The following LGALS9 variants were observed in gnomAD, a reference collection of about 807,000 sequenced individuals.
LGALS9 encodes the protein galectin-9.
LGALS9 carries 26 observed loss-of-function variants against 35.9 expected under a neutral mutation model. The ratio of observed to expected loss-of-function variants is 0.72; its 90% CI spans 0.53 to 1.01. LGALS9 has a LOEUF of 1.01. LGALS9 is among the 50% of genes least tolerant of loss of function. The pLI, the probability that LGALS9 is intolerant of heterozygous loss-of-function variation, is 0.00. For synonymous variants in LGALS9, 149 were observed against 172.2 expected (o/e 0.87, Z 1.06); for missense variants, 347 against 445.8 (o/e 0.78, Z 1.99).
At chr17:27,640,527 C>A (rs746669376) in intron 2 of LGALS9, 45 bp from the exon 3 acceptor site, 2 of 1,612,960 alleles carry the variant, frequency 1.2e-6, no homozygotes, top group South Asian at 1.1e-5. Flanking sequence ...CTGTCACTGG[C>A]AATAATCCAT....
intron 10 of LGALS9, among the ~76,000 whole-genome samples, chr17:27,648,583 G>T (rs977002110): frequency 1.1e-4 from 16 of 152,206 alleles, no homozygotes; most frequent in African/African-American, 3.4e-4. Context: ...GGGCCTGAGG[G>T]ATACAGACGG....
In LGALS9 at chr17:27,643,621, G is replaced by C; in HGVS notation, c.540+1G>C. On this transcript the variant is annotated splice_donor_variant, in intron 5 of 10. Coordinates refer to ENST00000395473, the MANE Select transcript of LGALS9 (RefSeq NM_009587.3). LOFTEE classifies it high-confidence loss of function. The stretch of plus-strand genomic sequence containing the variant: ...CAGGCCCAGGGGGCGCAGACAAAAA[G>C]TGAGTTCAACACAGAGGCCCTGGGT... The C allele has an allele frequency of 7.5e-6, 12 of 1,610,650 alleles. No homozygotes were observed. Among genetic ancestry groups the C allele is most frequent in the Non-Finnish European group, 1.0e-5 (12 of 1,179,064 alleles).
At chr17:27,642,066 G>C (rs978292549) in intron 3 of LGALS9, among the ~76,000 whole-genome samples, 172 bp from the exon 4 acceptor site, 2 of 152,170 alleles carry the variant, frequency 1.3e-5, no homozygotes, top group African/African-American at 2.4e-5. Context: ...ACTGGAGCCT[G>C]GTAGAGACTC....
At chr17:27,636,439 T>G (rs1008256151) in intron 1 of LGALS9, among the ~76,000 whole-genome samples, 4 of 152,282 alleles carry the variant, frequency 2.6e-5, no homozygotes, top group East Asian at 1.9e-4. Context: ...CCATTCCATT[T>G]CAAATATTTC....
intron 2 of LGALS9, among the ~76,000 whole-genome samples, chr17:27,639,550 T>G (rs1446793243): frequency 2.0e-5 from 3 of 152,122 alleles, no homozygotes; most frequent in African/African-American, 7.2e-5. Context: ...AAATGCAATC[T>G]TCTCCATTTA....
At chr17:27,647,540 G>T in intron 10 of LGALS9, 108 bp downstream of exon 10, 3 of 1,448,624 alleles carry the variant, frequency 2.1e-6, no homozygotes, top group Non-Finnish European at 2.8e-6. Context: ...ATTCCTCTGG[G>T]ATGAAGGCCC....
chr17:27,637,092 TGAA>T (rs1209547748), intron 1 of LGALS9, among the ~76,000 whole-genome samples: 1 of 152,086 alleles, frequency 6.6e-6, no homozygotes, highest in African/African-American at 2.4e-5. Flanking sequence ...ATTAAAAACT[TGAA>T]GAATGTGAAA....
At chr17:27,634,709 A>G (rs1257878322) in intron 1 of LGALS9, among the ~76,000 whole-genome samples, 1 of 152,166 alleles carries the variant, frequency 6.6e-6, no homozygotes, top group African/African-American at 2.4e-5. Context: ...CATTGGGACC[A>G]CCTTTAAAAT....
At chr17:27,636,084 A>T (rs1448320568) in intron 1 of LGALS9, among the ~76,000 whole-genome samples, 1 of 151,938 alleles carries the variant, frequency 6.6e-6, no homozygotes, top group Non-Finnish European at 1.5e-5. Flanking sequence ...TAACTGAATC[A>T]GATCCCAGAT....
chr17:27,635,659 C>G lies in LGALS9; in HGVS notation c.40-2604C>G, dbSNP rs536754976. On this transcript the variant is annotated intron_variant, in intron 1 of 10. Transcript: ENST00000395473. ...TTAATTAAGCCTTGTGTGTACTTGC[C>G]AGCCCATGTCCATCACGCTCTGCCT... Among the ~76,000 whole-genome samples, 48 of 152,090 alleles carry G rather than the reference C, an allele frequency of 3.2e-4. No individual in the cohort carries two copies. In the South Asian group the frequency reaches 6.0e-3, roughly 19 times the overall value.
chr17:27,641,995 G>T (rs964135839), intron 3 of LGALS9, among the ~76,000 whole-genome samples: 7 of 151,996 alleles, frequency 4.6e-5, no homozygotes, highest in African/African-American at 1.7e-4. Flanking sequence ...GAAACCCCAG[G>T]TGAGCTAAGA....
chr17:27,640,692 C>A lies in LGALS9; in HGVS notation c.252C>A (p.Pro84=), dbSNP rs150450759. Residue 84 remains proline, a synonymous_variant, in exon 3 of 11, where the codon CCC becomes CCA. Coordinates refer to ENST00000395473, the MANE Select transcript of LGALS9 (RefSeq NM_009587.3). The stretch of plus-strand genomic sequence containing the variant: ...CGAGGCAGAACGGAAGCTGGGGGCC[C>A]GAGGAGAGGAAGACACACATGCCTT... ...CNTRQNGSWG[P]EERKTHMPFQ... is the part of the protein sequence containing the mutation. 3.1e-6 allele frequency: 5 copies of A among 1,614,192 alleles called. No homozygotes were observed. The highest frequency in any genetic ancestry group is 4.2e-6 in the Non-Finnish European group (5 of 1,180,022).
chr17:27,640,454 C>T (rs1567914531), intron 2 of LGALS9, 118 bp from the exon 3 acceptor site: 1 of 1,430,182 alleles, frequency 7.0e-7, no homozygotes, highest in Admixed American at 1.7e-5. Context: ...GCAGTCTCTG[C>T]CATACAGGTT....
At chr17:27,646,982 A>G in intron 8 of LGALS9, 48 bp from the exon 9 acceptor site, 10 of 1,612,452 alleles carry the variant, frequency 6.2e-6, no homozygotes, top group Non-Finnish European at 6.8e-6. Context: ...AACTGGTACA[A>G]TCTTCCCCTT....
At position 27,645,176 on chromosome 17, in the gene LGALS9, G is replaced by T. The variant is rs142539114; in HGVS notation, c.541-138G>T. On this transcript the variant is annotated intron_variant, in intron 5 of 10. Transcript: ENST00000395473. Reference sequence around the variant, plus strand: ...GGGTGCCACGGGCTCAGGAAGGCTTGCTTGGGAGCAAGAGGGAGGTGGGTG... The same window carrying T: ...GGGTGCCACGGGCTCAGGAAGGCTTTCTTGGGAGCAAGAGGGAGGTGGGTG... 13,982 of 1,553,232 alleles carry T rather than the reference G, an allele frequency of 9.0e-3. 150 individuals are homozygous for T. Among genetic ancestry groups the T allele is most frequent in the African/African-American group, 0.042 (3,004 of 72,066 alleles).
intron 1 of LGALS9, among the ~76,000 whole-genome samples, chr17:27,635,858 C>T (rs538779301): frequency 5.9e-5 from 9 of 152,322 alleles, no homozygotes; most frequent in Middle Eastern, 3.4e-3. Context: ...TCAGGGAAAA[C>T]AGGCTTCCCA....
intron 4 of LGALS9, among the ~76,000 whole-genome samples, chr17:27,643,031 TG>T (rs1904638633): frequency 6.6e-6 from 1 of 152,184 alleles, no homozygotes; most frequent in African/African-American, 2.4e-5. Flanking sequence ...AGCAAGACCC[TG>T]TCTCCAAAAA....
At chr17:27,636,987 C>A (rs1483041123) in intron 1 of LGALS9, among the ~76,000 whole-genome samples, 1 of 152,126 alleles carries the variant, frequency 6.6e-6, no homozygotes, top group Admixed American at 6.5e-5. Flanking sequence ...ACCACTCCCC[C>A]ACCTGGCCAT....
Position 27,647,276 on chromosome 17 carries a change from C to T in LGALS9, c.765C>T (p.His255=). 1.2e-6 allele frequency: 2 copies of T among 1,614,042 alleles called. No homozygotes were observed. The highest frequency in any genetic ancestry group is 1.7e-6 in the Non-Finnish European group (2 of 1,180,048). The change falls in exon 10 of 11, where the codon CAC becomes CAT. Residue 255 remains histidine (H), a synonymous_variant. Transcript: ENST00000395473. ...GGTGGGCTGCCCACCCCAGGTTCCA[C>T]ATCAACCTGTGCTCTGGGAACCACA... is the stretch of plus-strand genomic sequence containing the variant. ...GTVLPSAQRF[H]INLCSGNHIA... is the part of the protein sequence containing the mutation.
Sources: allele counts gnomAD v4.1 joint callset (sites outside exome capture counted in the v4.1 genomes callset), GRCh38; gene constraint gnomAD v4.1.1; transcripts MANE v1.5; gene names NCBI Gene and HGNC (gene_info 2026-07-23, HGNC 2026-07-21).